GPC3: variants seen among roughly 807,000 people sequenced by gnomAD.
The protein encoded by GPC3 is glypican 3.
GPC3 carries 3 observed loss-of-function variants against 34.4 expected under a neutral mutation model. The observed-to-expected ratio is 0.09, with a 90% CI of 0.04 to 0.23. The LOEUF is 0.23. Among genes scored for constraint, GPC3 ranks in the 10% least tolerant of loss-of-function variants. The pLI is 1.00. For synonymous variants in GPC3, 177 were observed against 174.0 expected (o/e 1.02, Z -0.13); for missense variants, 351 against 445.6 (o/e 0.79, Z 1.91).
chrX:133,969,016 A>T (rs1307938600), intron 1 of GPC3, among the ~76,000 whole-genome samples: 1 of 110,010 alleles, frequency 9.1e-6, no homozygotes, highest in Non-Finnish European at 1.9e-5. Context: ...AGATCCAGTA[A>T]TTCCAGCAAC....
At chrX:133,919,777 C>T (rs1371155419) in intron 2 of GPC3, among the ~76,000 whole-genome samples, 3 of 105,810 alleles carry the variant, frequency 2.8e-5, no homozygotes, top group South Asian at 4.3e-4. Context: ...CAGTGAGCCT[C>T]GACCTCGATG....
intron 2 of GPC3, among the ~76,000 whole-genome samples, chrX:133,856,569 G>T (rs2075902518): frequency 9.0e-6 from 1 of 110,765 alleles, no homozygotes. Flanking sequence ...TGCTACAATA[G>T]TGTGTATCTT....
chrX:133,763,491 T>C, intron 2 of GPC3: 1 of 547,102 alleles, frequency 1.8e-6, no homozygotes, highest in Non-Finnish European at 3.3e-6. Flanking sequence ...GTGAATGGAC[T>C]GCTCCAGCTC....
chrX:133,782,131 T>C (rs2072052903), intron 2 of GPC3, among the ~76,000 whole-genome samples: 1 of 111,120 alleles, frequency 9.0e-6, no homozygotes, highest in Non-Finnish European at 1.9e-5. Context: ...TTATTGAAGA[T>C]CCCAGGCATT....
chrX:133,592,804 T>C (rs902933003), intron 7 of GPC3, among the ~76,000 whole-genome samples: 1 of 111,817 alleles, frequency 8.9e-6, no homozygotes, highest in Admixed American at 9.4e-5. Context: ...AATAGTCCTA[T>C]AAAGTTGGGG....
intron 4 of GPC3, among the ~76,000 whole-genome samples, chrX:133,697,618 G>C (rs1271039996): frequency 8.9e-6 from 1 of 112,015 alleles, no homozygotes; most frequent in Non-Finnish European, 1.9e-5. Flanking sequence ...TTATTCATTT[G>C]CATGTCTCCC....
chrX:133,882,754 A>G (rs763286318), intron 2 of GPC3, among the ~76,000 whole-genome samples: 8 of 111,986 alleles, frequency 7.1e-5, no homozygotes. Flanking sequence ...CAACTTCTGC[A>G]AAGAGGAAGG....
intron 2 of GPC3, among the ~76,000 whole-genome samples, chrX:133,766,258 T>G (rs1569428410): frequency 1.8e-5 from 2 of 112,249 alleles, no homozygotes; most frequent in Non-Finnish European, 3.8e-5. Context: ...TCTCATTAGA[T>G]TGACTGCACT....
intron 7 of GPC3, among the ~76,000 whole-genome samples, chrX:133,580,733 T>A (rs2069724406): frequency 8.9e-6 from 1 of 112,386 alleles, no homozygotes; most frequent in Non-Finnish European, 1.9e-5. Flanking sequence ...ATGTTCTTAC[T>A]GAACTGCTGC....
intron 1 of GPC3, among the ~76,000 whole-genome samples, chrX:133,977,430 T>C (rs764753384): frequency 8.9e-6 from 1 of 112,446 alleles, no homozygotes; most frequent in African/African-American, 3.2e-5. Context: ...CTCAAATATT[T>C]TCCAATCCTT....
chrX:133,827,704 A>ACTC (rs2075754737), intron 2 of GPC3, among the ~76,000 whole-genome samples: 1 of 109,933 alleles, frequency 9.1e-6, no homozygotes, highest in Non-Finnish European at 1.9e-5. Context: ...AATTGCTTGA[A>ACTC]CCTGGGAGTC....
intron 5 of GPC3, among the ~76,000 whole-genome samples, chrX:133,676,247 T>C (rs1289538334): frequency 1.8e-5 from 2 of 112,256 alleles, no homozygotes; most frequent in African/African-American, 6.5e-5. Flanking sequence ...GCTCTTTCTA[T>C]AGTCTTCCTA....
intron 2 of GPC3, among the ~76,000 whole-genome samples, chrX:133,823,960 C>T (rs1267067541): frequency 1.7e-4 from 13 of 75,826 alleles, no homozygotes; most frequent in Non-Finnish European, 2.7e-4. Context: ...GGTGACAGAG[C>T]GAGACTCCAT....
chrX:133,919,327 C>T (rs778410059), intron 2 of GPC3, among the ~76,000 whole-genome samples: 1 of 111,809 alleles, frequency 8.9e-6, no homozygotes, highest in African/African-American at 3.3e-5. Flanking sequence ...CCCTTCCCTT[C>T]GGTGACATTA....
At chrX:133,667,811 C>T (rs911901593) in intron 5 of GPC3, among the ~76,000 whole-genome samples, 1 of 103,579 alleles carries the variant, frequency 9.7e-6, no homozygotes, top group Non-Finnish European at 2.0e-5. Context: ...GAGCCGAGAT[C>T]ACACCACTGC....
intron 2 of GPC3, among the ~76,000 whole-genome samples, chrX:133,893,396 G>C (rs1046988537): frequency 1.8e-5 from 2 of 111,320 alleles, no homozygotes; most frequent in Non-Finnish European, 3.8e-5. Context: ...TTCATCCTTT[G>C]ACAGCATCTT....
intron 6 of GPC3, among the ~76,000 whole-genome samples, chrX:133,601,793 G>A (rs1308125168): frequency 9.0e-6 from 1 of 111,392 alleles, no homozygotes; most frequent in Admixed American, 9.6e-5. Flanking sequence ...AATTAGCCTC[G>A]CTAAACTCTT....
At chrX:133,621,128 G>A (rs938052260) in intron 6 of GPC3, among the ~76,000 whole-genome samples, 1 of 110,817 alleles carries the variant, frequency 9.0e-6, no homozygotes, top group African/African-American at 3.3e-5. Context: ...TATGATAAGG[G>A]CCTATAGAGT....
chrX:133,722,156 G>A, intron 3 of GPC3, among the ~76,000 whole-genome samples: 1 of 111,393 alleles, frequency 9.0e-6, no homozygotes. Context: ...TAACTTATCT[G>A]ATATTGACTA....
Sources: gnomAD v4.1 joint callset for allele counts (sites outside exome capture counted in the v4.1 genomes callset) on GRCh38, gnomAD v4.1.1 for gene constraint, MANE v1.5 for transcripts, NCBI Gene and HGNC (gene_info 2026-07-23, HGNC 2026-07-21) for gene names.